The following TACR3 variants were observed in gnomAD, a reference collection of about 807,000 sequenced individuals.
TACR3 encodes neuromedin-K receptor.
A neutral mutation model predicts 35.0 loss-of-function variants in TACR3; 34 were observed. The observed-to-expected ratio is 0.97, with a 90% CI of 0.74 to 1.30. The LOEUF is 1.30. TACR3 is among the 50% of genes most tolerant of loss of function. TACR3 has a pLI of 0.00. For missense variants in TACR3, 558 were observed against 591.7 expected, an observed-to-expected ratio of 0.94 and a Z score of 0.59; for synonymous variants, 233 against 221.1, an observed-to-expected ratio of 1.05 and a Z score of -0.48.
chr4:103,590,054 G>C, intron 4 of TACR3, 60 bp from the exon 5 acceptor site: 3 of 1,557,850 alleles, frequency 1.9e-6, no homozygotes, highest in South Asian at 1.2e-5. Context: ...ATGTCTTTCA[G>C]CTGCCACAGA....
chr4:103,602,354 TTTGA>T (rs1724226980), intron 3 of TACR3, among the ~76,000 whole-genome samples: 1 of 152,148 alleles, frequency 6.6e-6, no homozygotes, highest in South Asian at 2.1e-4. Context: ...CTTGGAGTAG[TTTGA>T]TTGTCTGAAG....
chr4:103,692,457 G>A (rs189831350), intron 1 of TACR3, among the ~76,000 whole-genome samples: 1 of 152,194 alleles, frequency 6.6e-6, no homozygotes, highest in African/African-American at 2.4e-5. Context: ...AGTCATAGTT[G>A]CACTATAACA....
intron 1 of TACR3, among the ~76,000 whole-genome samples, chr4:103,662,456 G>A (rs1481222977): frequency 2.0e-5 from 3 of 152,104 alleles, no homozygotes; most frequent in Non-Finnish European, 4.4e-5. Context: ...CTGACCTCAG[G>A]TGATCTGCCT....
intron 3 of TACR3, among the ~76,000 whole-genome samples, chr4:103,636,621 A>C (rs1412072180): frequency 6.6e-6 from 1 of 152,066 alleles, no homozygotes; most frequent in Non-Finnish European, 1.5e-5. Flanking sequence ...GACACAAAAA[A>C]CCCTTCAAAA....
At chr4:103,691,519 G>C (rs1722400545) in intron 1 of TACR3, among the ~76,000 whole-genome samples, 1 of 152,140 alleles carries the variant, frequency 6.6e-6, no homozygotes, top group Non-Finnish European at 1.5e-5. Context: ...CTGTGTCCTG[G>C]CTGTGGTGGT....
chr4:103,607,587 T>C (rs1424260108), intron 3 of TACR3, among the ~76,000 whole-genome samples: 1 of 152,138 alleles, frequency 6.6e-6, no homozygotes, highest in Non-Finnish European at 1.5e-5. Context: ...TGTGATAATA[T>C]AGGCTTAAGA....
chr4:103,690,406 T>C lies in TACR3; in HGVS notation c.548+28722A>G, dbSNP rs541418223. ...AATAGTCTTTAAGACAAAAAGTTAC[T>C]AGAGACAAACTAGGAACTCATTAGA... is the stretch of plus-strand genomic sequence containing the variant. On this transcript the variant is annotated intron_variant, in intron 1 of 4. Transcript: ENST00000304883. 4.0e-4 allele frequency among the ~76,000 whole-genome samples: 61 copies of C among 152,194 alleles called. 1 individual carries two copies. In the South Asian group the frequency reaches 0.011, roughly 28 times the overall value.
intron 1 of TACR3, among the ~76,000 whole-genome samples, chr4:103,665,033 G>A (rs984676674): frequency 2.6e-5 from 4 of 151,246 alleles, no homozygotes; most frequent in African/African-American, 9.7e-5. Context: ...GGCTGGTCTT[G>A]AATTCTTGGG....
intron 1 of TACR3, among the ~76,000 whole-genome samples, chr4:103,709,716 T>C (rs1345302640): frequency 4.6e-5 from 7 of 151,970 alleles, no homozygotes; most frequent in African/African-American, 1.7e-4. Context: ...ACTGGCAAAC[T>C]GGATAAAGAG....
intron 3 of TACR3, among the ~76,000 whole-genome samples, chr4:103,622,661 G>A (rs189675260): frequency 6.3e-4 from 96 of 152,258 alleles, no homozygotes; most frequent in African/African-American, 1.9e-3. Flanking sequence ...CCCGGGAAGC[G>A]GAGCTTGCAG....
chr4:103,662,646 C>T (rs935050330), intron 1 of TACR3, among the ~76,000 whole-genome samples: 2 of 152,120 alleles, frequency 1.3e-5, no homozygotes, highest in African/African-American at 4.8e-5. Context: ...TAAATCAGGT[C>T]ATTAGGGTGG....
At chr4:103,623,384 TTTTTTTTTAA>T (rs924508843) in intron 3 of TACR3, among the ~76,000 whole-genome samples, 1 of 151,060 alleles carries the variant, frequency 6.6e-6, no homozygotes, top group Non-Finnish European at 1.5e-5. Flanking sequence ...TTTTTCTCTA[TTTTTTTTTAA>T]TTAACAACTT....
chr4:103,715,479 G>A (rs1723070095), intron 1 of TACR3, among the ~76,000 whole-genome samples: 1 of 152,070 alleles, frequency 6.6e-6, no homozygotes, highest in African/African-American at 2.4e-5. Flanking sequence ...TATGCTTCCT[G>A]TATAGCCTGG....
In TACR3 at chr4:103,656,277, T is replaced by C. The variant is rs1475154807; in HGVS notation, c.805A>G (p.Ile269Val). Residue 269 changes from isoleucine (I) to valine (V), a missense_variant, in exon 3 of 5, where the codon ATT (isoleucine) becomes GTT (valine). By Grantham distance (29) the Ile-to-Val change is conservative. Coordinates refer to ENST00000304883, the MANE Select transcript of TACR3 (RefSeq NM_001059.3). The stretch of plus-strand genomic sequence containing the variant: ...CCTCCCCAGAGAGTAATTCCAACAA[T>C]GGTGTATGTAATACCCATGATGAGC... ...PLLIMGITYTIVGITLWGGEI... is the reference protein window; with the variant it reads ...PLLIMGITYTVVGITLWGGEI... The C allele has an allele frequency of 1.2e-6, 2 of 1,612,910 alleles. No individual in the cohort carries two copies. The highest frequency in any genetic ancestry group is 1.7e-6 in the Non-Finnish European group (2 of 1,179,278).
At position 103,719,208 on chromosome 4, in the gene TACR3, G is replaced by T; in HGVS notation, c.468C>A (p.Asn156Lys). ...GAAAGAAGTTCTGGAAGCGGCAGTAGTTGGCGCCAAAGTACCACTCGCTAT... is the reference window on the plus strand; with the variant it reads ...GAAAGAAGTTCTGGAAGCGGCAGTATTTGGCGCCAAAGTACCACTCGCTAT... ...ALHSEWYFGA[N>K]YCRFQNFFPI... Residue 156 changes from asparagine to lysine, a missense_variant, in exon 1 of 5, where the codon AAC becomes AAA. By Grantham distance (94) the Asn-to-Lys change is moderately conservative (BLOSUM62 0). Coordinates refer to ENST00000304883, the MANE Select transcript of TACR3 (RefSeq NM_001059.3). 1 of 1,614,188 alleles carries T rather than the reference G, an allele frequency of 6.2e-7. No individual in the cohort carries two copies. The highest frequency in any genetic ancestry group is 8.5e-7 in the Non-Finnish European group (1 of 1,180,036).
intron 1 of TACR3, among the ~76,000 whole-genome samples, chr4:103,674,378 A>G (rs1174373874): frequency 1.3e-5 from 2 of 151,970 alleles, no homozygotes; most frequent in African/African-American, 4.8e-5. Flanking sequence ...TATTACATGA[A>G]TTAAATAACT....
At position 103,591,807 on chromosome 4, in the gene TACR3, T is replaced by C. The variant is rs1489804382; in HGVS notation, c.889-124A>G. On this transcript the variant is annotated intron_variant, in intron 3 of 4. Transcript: ENST00000304883. ...CATCATGCCTAGGGAATAGTCAATATATTAAAAAATGGTGAAGCAATATAC... is the reference window on the plus strand; with the variant it reads ...CATCATGCCTAGGGAATAGTCAATACATTAAAAAATGGTGAAGCAATATAC... 4.2e-6 allele frequency: 4 copies of C among 958,828 alleles called. No individual in the cohort carries two copies. The African/African-American group carries it at 4.9e-5, about 12-fold the overall frequency. The allele number at this position is 958,828 out of a possible 1,614,324, so 59.4% of individuals were successfully genotyped here.
chr4:103,658,080 T>A, intron 2 of TACR3, 135 bp downstream of exon 2: 1 of 870,618 alleles, frequency 1.1e-6, no homozygotes. Context: ...TTACAGTATT[T>A]TTATATATTT....
At chr4:103,687,978 C>G (rs368558274) in intron 1 of TACR3, among the ~76,000 whole-genome samples, 1 of 152,136 alleles carries the variant, frequency 6.6e-6, no homozygotes, top group Non-Finnish European at 1.5e-5. Flanking sequence ...GGAGGCATCA[C>G]GCTACCTGAC....
Sources: allele counts gnomAD v4.1 joint callset (sites outside exome capture counted in the v4.1 genomes callset), GRCh38; gene constraint gnomAD v4.1.1; transcripts MANE v1.5; gene names NCBI Gene and HGNC (gene_info 2026-07-23, HGNC 2026-07-21).